GLUD1: variants seen among roughly 807,000 people sequenced by gnomAD.
GLUD1 encodes the protein glutamate dehydrogenase 1, mitochondrial.
In GLUD1, 22 loss-of-function variants were observed where a neutral mutation model predicts 56.0. That is an observed-to-expected ratio of 0.39 (90% confidence interval 0.28 to 0.56). The LOEUF (loss-of-function observed/expected upper bound fraction) is 0.56, where lower values mean the gene tolerates loss of function less well. GLUD1 is among the 20% of genes least tolerant of loss of function. The pLI is 0.58. For missense variants in GLUD1, 451 were observed against 732.0 expected (o/e 0.62, Z 4.43); for synonymous variants, 223 against 269.9 (o/e 0.83, Z 1.70).
rs886047373 is a variant in GLUD1, at chr10:87,051,546, T to C, written c.*205A>G. ...AAATGGCTCTCTGGTGTAGGTGATT[T>C]CTACTTTCACACTCAGCTTGTACAT... On this transcript the variant is annotated 3_prime_UTR_variant, in exon 13 of 13. Transcript: ENST00000277865. The C allele has an allele frequency of 1.5e-6, 1 of 669,960 alleles. No individual in the cohort carries two copies. Among genetic ancestry groups the C allele is most frequent in the Non-Finnish European group, 2.7e-6 (1 of 370,366 alleles). 41.5% of individuals were successfully genotyped at this position (669,960 alleles called of 1,614,324 possible). A position where few individuals can be genotyped will look rare whatever the true frequency, so the allele number is the denominator to read the frequency against.
In GLUD1 at chr10:87,081,104, C is replaced by T. The variant is rs372080692; in HGVS notation, c.446-4448G>A. Among the ~76,000 whole-genome samples, 13 of 133,654 alleles carry T rather than the reference C, an allele frequency of 9.7e-5. No individual in the cohort carries two copies. The East Asian group carries it at 2.1e-3, about 22-fold the overall frequency. The allele number at this position is 133,654 out of a possible 152,430, so 87.7% of individuals were successfully genotyped here. A position where few individuals can be genotyped will look rare whatever the true frequency, so the allele number is the denominator to read the frequency against. On this transcript the variant is annotated intron_variant, in intron 1 of 12. Coordinates refer to ENST00000277865, the MANE Select transcript of GLUD1 (RefSeq NM_005271.5). The stretch of plus-strand genomic sequence containing the variant: ...CCCCCGCCCGGCCAGCCGCCTCTTC[C>T]GGGAGGTGAGGGGGCGCCTCTGCCC...
chr10:87,063,073 G>GT (rs1845978319), intron 5 of GLUD1, among the ~76,000 whole-genome samples: 1 of 110,236 alleles, frequency 9.1e-6, no homozygotes, highest in Non-Finnish European at 1.9e-5. Flanking sequence ...TTTTTTGTTT[G>GT]TTTGTTTGTT....
intron 5 of GLUD1, among the ~76,000 whole-genome samples, chr10:87,063,598 G>A (rs1253583425): frequency 6.6e-6 from 1 of 151,930 alleles, no homozygotes; most frequent in African/African-American, 2.4e-5. Context: ...GAGACAGGAA[G>A]AGGCTTTACA....
intron 12 of GLUD1, 35 bp from the exon 13 acceptor site, chr10:87,051,905 C>G (rs1480388484): frequency 6.2e-7 from 1 of 1,613,640 alleles, no homozygotes; most frequent in Non-Finnish European, 8.5e-7. Flanking sequence ...GAAGATGATC[C>G]TGACTCAAGT....
chr10:87,056,533 G>T (rs1049678214), intron 11 of GLUD1, among the ~76,000 whole-genome samples: 2 of 152,092 alleles, frequency 1.3e-5, no homozygotes, highest in Non-Finnish European at 2.9e-5. Flanking sequence ...GAACTCAGGT[G>T]AGCCACCTGC....
At chr10:87,057,191 G>A (rs1845802449) in intron 11 of GLUD1, among the ~76,000 whole-genome samples, 1 of 152,170 alleles carries the variant, frequency 6.6e-6, no homozygotes, top group South Asian at 2.1e-4. Context: ...GGGTCACCAT[G>A]TTGGCCAGGA....
chr10:87,058,129 A>G (rs1445644882), intron 10 of GLUD1, among the ~76,000 whole-genome samples: 2 of 152,158 alleles, frequency 1.3e-5, no homozygotes, highest in African/African-American at 4.8e-5. Context: ...TGGCCTCCCA[A>G]AGTGCTGGGA....
chr10:87,086,622 G>C (rs1287292809), intron 1 of GLUD1, among the ~76,000 whole-genome samples: 1 of 150,368 alleles, frequency 6.7e-6, no homozygotes, highest in Non-Finnish European at 1.5e-5. Flanking sequence ...AGGAGATCAA[G>C]ACCATCCTGG....
At chr10:87,077,250 A>G (rs564070226) in intron 1 of GLUD1, among the ~76,000 whole-genome samples, 1 of 152,120 alleles carries the variant, frequency 6.6e-6, no homozygotes, top group African/African-American at 2.4e-5. Flanking sequence ...GGCTCAAGTG[A>G]TCCTCCCACC....
chr10:87,079,915 CCCCTCTCCCTCCCCCTCT>C (rs1262662776), intron 1 of GLUD1, among the ~76,000 whole-genome samples: 27 of 121,000 alleles, frequency 2.2e-4, no homozygotes, highest in Admixed American at 5.7e-4. Flanking sequence ...CCTCCCCCTC[CCCCTCTCCCTCCCCCTCT>C]CCCTCTCCCT....
chr10:87,071,989 C>T (rs1330176499), intron 4 of GLUD1, among the ~76,000 whole-genome samples: 2 of 152,186 alleles, frequency 1.3e-5, no homozygotes, highest in East Asian at 1.9e-4. Flanking sequence ...GATGGCAATA[C>T]TGGTCAGGTG....
chr10:87,066,194 T>G (rs1328782563), intron 5 of GLUD1, among the ~76,000 whole-genome samples: 1 of 152,200 alleles, frequency 6.6e-6, no homozygotes, highest in Non-Finnish European at 1.5e-5. Context: ...AGCTGTCTTC[T>G]TTCTGCTTCT....
At chr10:87,080,693 T>C (rs1407831376) in intron 1 of GLUD1, among the ~76,000 whole-genome samples, 1 of 145,528 alleles carries the variant, frequency 6.9e-6, no homozygotes, top group Non-Finnish European at 1.5e-5. Context: ...GAGGAGACCC[T>C]CTGCCCGGCA....
Position 87,050,403 on chromosome 10 carries a change from A to G in GLUD1, c.*1348T>C, listed in dbSNP as rs1032282901. ...AAATGTTATACAGGTGGTCGCTATA[A>G]ACATTTCAGAAATCCAATTGCAGTA... On this transcript the variant is annotated 3_prime_UTR_variant, in exon 13 of 13. Coordinates refer to ENST00000277865, the MANE Select transcript of GLUD1 (RefSeq NM_005271.5). 1 of 152,144 alleles carries G rather than the reference A, an allele frequency of 6.6e-6. No individual in the cohort carries two copies. The highest frequency in any genetic ancestry group is 1.5e-5 in the Non-Finnish European group (1 of 68,024). The allele number at this position is 152,144 out of a possible 1,614,324, so 9.4% of individuals were successfully genotyped here.
intron 4 of GLUD1, among the ~76,000 whole-genome samples, chr10:87,068,974 A>G (rs552155756): frequency 6.7e-6 from 1 of 150,242 alleles, no homozygotes; most frequent in Admixed American, 6.7e-5. Context: ...CAATTAAATG[A>G]AATATGGTAT....
rs1250203307 is a variant in GLUD1 at position 87,050,522 on chromosome 10, C to G, written c.*1229G>C. The G allele has an allele frequency of 6.6e-6, 1 of 151,646 alleles. No individual in the cohort carries two copies. Among genetic ancestry groups the G allele is most frequent in the African/African-American group, 2.4e-5 (1 of 41,228 alleles). The allele number at this position is 151,646 out of a possible 1,614,324, so 9.4% of individuals were successfully genotyped here. A position where few individuals can be genotyped will look rare whatever the true frequency, so the allele number is the denominator to read the frequency against. ...GTAGACTTTTAATAACTGCTTTTATCACCAGGTTAAGCCATGCAGTTACAA... is the reference window on the plus strand; with the variant it reads ...GTAGACTTTTAATAACTGCTTTTATGACCAGGTTAAGCCATGCAGTTACAA... On this transcript the variant is annotated 3_prime_UTR_variant, in exon 13 of 13. Transcript: ENST00000277865.
intron 1 of GLUD1, among the ~76,000 whole-genome samples, chr10:87,086,892 G>A (rs922954633): frequency 1.3e-5 from 2 of 150,436 alleles, no homozygotes; most frequent in African/African-American, 4.9e-5. Context: ...GACACCAAAT[G>A]TGTGGGTTTT....
intron 11 of GLUD1, among the ~76,000 whole-genome samples, chr10:87,057,161 T>C (rs535133862): frequency 9.2e-5 from 14 of 152,308 alleles, no homozygotes; most frequent in Admixed American, 6.5e-5. Flanking sequence ...TGGCTAATTT[T>C]TGTATTTTTA....
At position 87,052,668 on chromosome 10, in the gene GLUD1, T is replaced by TAAAAAAAAAAAAA. The variant is rs1285140190; in HGVS notation, c.1557+673_1557+674insTTTTTTTTTTTTT. Among the ~76,000 whole-genome samples, 20 of 16,534 alleles carry TAAAAAAAAAAAAA rather than the reference T, an allele frequency of 1.2e-3. 1 individual carries two copies. Among genetic ancestry groups the TAAAAAAAAAAAAA allele is most frequent in the Non-Finnish European group, 1.4e-3 (9 of 6,410 alleles). The allele number at this position is 16,534 out of a possible 152,430, so 10.8% of individuals were successfully genotyped here. On this transcript the variant is annotated intron_variant, in intron 12 of 12. Coordinates refer to ENST00000277865, the MANE Select transcript of GLUD1 (RefSeq NM_005271.5). ...CTGGGCAACAGGGCAAAACTCCGTC[T>TAAAAAAAAAAAAA]CAAAAAAAAAAAAAAAAAAAAAAAA...
Sources: allele counts gnomAD v4.1 joint callset (sites outside exome capture counted in the v4.1 genomes callset), GRCh38; gene constraint gnomAD v4.1.1; transcripts MANE v1.5; gene names NCBI Gene and HGNC (gene_info 2026-07-23, HGNC 2026-07-21).